Variants in SARS2 observed in about 807,000 individuals in gnomAD.
SARS2 encodes seryl-tRNA synthetase 2, mitochondrial, also known as serine--tRNA ligase, mitochondrial.
A neutral mutation model predicts 66.8 loss-of-function variants in SARS2; 52 were observed. That is an observed-to-expected ratio of 0.78 (90% CI 0.62 to 0.98). The LOEUF (loss-of-function observed/expected upper bound fraction) is 0.98, where lower values mean the gene tolerates loss of function less well. Among genes scored for constraint, SARS2 ranks in the 50% least tolerant of loss-of-function variants. The probability of loss-of-function intolerance (pLI) is 0.00; values close to 1 mark genes in which losing one functional copy is unlikely to be tolerated. For synonymous variants in SARS2, 306 were observed against 281.4 expected, an observed-to-expected ratio of 1.09 and a Z score of -0.87; for missense variants, 673 against 706.3, an observed-to-expected ratio of 0.95 and a Z score of 0.53.
intron 8 of SARS2, 114 bp from the exon 9 acceptor site, chr19:38,918,644 C>G: frequency 7.2e-7 from 1 of 1,391,712 alleles, no homozygotes; most frequent in Non-Finnish European, 1.0e-6. Context: ...CCTGGCCTCC[C>G]TGGTATGGCC....
intron 15 of SARS2, 40 bp downstream of exon 15, chr19:38,915,801 C>T (rs774270448): frequency 1.2e-6 from 2 of 1,612,864 alleles, no homozygotes; most frequent in East Asian, 2.2e-5. Flanking sequence ...CCCTCCCCGG[C>T]GCTGAGCTGC....
Position 38,920,128 on chromosome 19 carries a change from C to G in SARS2, c.611G>C (p.Gly204Ala). The change falls in exon 6 of 16, where the codon GGC becomes GCC. Residue 204 changes from glycine to alanine, a missense_variant. Transcript: ENST00000221431. ...DKPVFSFQPR[G>A]HLEIGEKLDI... is the part of the protein sequence containing the mutation. ...GAGTTTCTCGCCAATTTCCAGGTGG[C>G]CCCGAGGTTGGAAGGAGAAAACTGG... The G allele has an allele frequency of 6.4e-7, 1 of 1,561,420 alleles. No homozygotes were observed. The highest frequency in any genetic ancestry group is 8.7e-7 in the Non-Finnish European group (1 of 1,152,144).
In SARS2 at chr19:38,925,842, A is replaced by C. The variant is rs1207356431; in HGVS notation, c.363+363T>G. On this transcript the variant is annotated intron_variant, in intron 2 of 15. Coordinates refer to ENST00000221431, the MANE Select transcript of SARS2 (RefSeq NM_017827.4). Reference sequence around the variant, plus strand: ...CGCTTGCTTATTTATTTATTTAGGGAGTCTCGCTCTGTCGCCCAGGCTGGA... The same window carrying C: ...CGCTTGCTTATTTATTTATTTAGGGCGTCTCGCTCTGTCGCCCAGGCTGGA... Among the ~76,000 whole-genome samples, 4 of 152,180 alleles carry C rather than the reference A, an allele frequency of 2.6e-5. No individual in the cohort carries two copies. In the East Asian group the frequency reaches 7.7e-4, roughly 29 times the overall value.
chr19:38,916,015 C>T, intron 14 of SARS2, 22 bp downstream of exon 14: 1 of 1,612,788 alleles, frequency 6.2e-7, no homozygotes, highest in Non-Finnish European at 8.5e-7. Context: ...GGCACGCGGG[C>T]AGGAGGCTGT....
At chr19:38,929,977 T>C (rs1033526506) in intron 1 of SARS2, 1 of 156,788 alleles carries the variant, frequency 6.4e-6, no homozygotes, top group African/African-American at 2.4e-5. Flanking sequence ...AATAGAACCA[T>C]TCATTAATGG....
chr19:38,918,218 CTGGTGGA>C (rs2039698920), intron 9 of SARS2, 79 bp from the exon 10 acceptor site: 5 of 1,457,060 alleles, frequency 3.4e-6, no homozygotes, highest in Admixed American at 2.0e-5. Flanking sequence ...GGCACTCCCT[CTGGTGGA>C]TGCAACCCCA....
At chr19:38,924,840 CT>C (rs2144777566) in intron 2 of SARS2, among the ~76,000 whole-genome samples, 1 of 152,312 alleles carries the variant, frequency 6.6e-6, no homozygotes, top group East Asian at 1.9e-4. Context: ...TAGGGCCTCA[CT>C]TTTTCCCAGC....
intron 1 of SARS2, among the ~76,000 whole-genome samples, chr19:38,929,649 C>A (rs1312358115): frequency 6.6e-6 from 1 of 151,790 alleles, no homozygotes; most frequent in Non-Finnish European, 1.5e-5. Flanking sequence ...CATGACCTAG[C>A]GCAAGTGAAT....
intron 5 of SARS2, among the ~76,000 whole-genome samples, chr19:38,921,070 T>TACAAACAC (rs200809697): frequency 1.5e-5 from 1 of 68,770 alleles, no homozygotes; most frequent in Non-Finnish European, 2.8e-5. Flanking sequence ...CACATACAGA[T>TACAAACAC]ACAGACACAC....
chr19:38,922,062 C>T, intron 3 of SARS2, 176 bp downstream of exon 3: 1 of 1,567,716 alleles, frequency 6.4e-7, no homozygotes, highest in South Asian at 1.2e-5. Context: ...GGAGCCAGCA[C>T]CTGGATCCAG....
intron 2 of SARS2, among the ~76,000 whole-genome samples, chr19:38,923,752 G>A (rs528944581): frequency 7.3e-5 from 11 of 151,630 alleles, no homozygotes; most frequent in East Asian, 2.0e-4. Context: ...AGGCTGAGGC[G>A]GGCGGATCAC....
intron 12 of SARS2, 150 bp from the exon 13 acceptor site, chr19:38,916,464 C>G (rs1974420299): frequency 3.0e-6 from 2 of 661,046 alleles, no homozygotes; most frequent in Non-Finnish European, 5.3e-6. Context: ...GAGACCTCAT[C>G]TACTCCAAAA....
intron 5 of SARS2, among the ~76,000 whole-genome samples, chr19:38,920,926 GACACACACATAGAC>G (rs1974513395): frequency 1.5e-5 from 2 of 132,978 alleles, no homozygotes; most frequent in Non-Finnish European, 3.2e-5. Context: ...CACAGAGATA[GACACACACATAGAC>G]ACACACACAC....
At chr19:38,921,194 G>GA (rs1361795759) in intron 5 of SARS2, among the ~76,000 whole-genome samples, 198 bp downstream of exon 5, 1 of 152,192 alleles carries the variant, frequency 6.6e-6, no homozygotes, top group Non-Finnish European at 1.5e-5. Flanking sequence ...GGTGAAGGGG[G>GA]AGAGAATGAA....
chr19:38,924,767 A>G (rs940218181), intron 2 of SARS2, among the ~76,000 whole-genome samples: 1 of 152,056 alleles, frequency 6.6e-6, no homozygotes, highest in African/African-American at 2.4e-5. Context: ...CCTCAGCCCC[A>G]GAGTAGCTGG....
chr19:38,923,053 G>A (rs1205264288), intron 2 of SARS2, among the ~76,000 whole-genome samples: 2 of 132,624 alleles, frequency 1.5e-5, no homozygotes, highest in East Asian at 2.4e-4. Context: ...ACAGGTGCCC[G>A]CCACCACGAT....
In SARS2 at chr19:38,921,399, G is replaced by C; in HGVS notation, c.582C>G (p.Asp194Glu). The change falls in exon 5 of 16, where the codon GAC (aspartate) becomes GAG (glutamate). Residue 194 changes from aspartate to glutamate, a missense_variant. Asp to Glu is a conservative substitution (Grantham distance 45). Coordinates refer to ENST00000221431, the MANE Select transcript of SARS2 (RefSeq NM_017827.4). ...GCCTGGGGTGTGGCCCACCTGGCTT[G>C]TCTCCGACCATGTGGAGCACTCGAG... ...SQARVLHMVGDKPVFSFQPRG... is the reference protein window; with the variant it reads ...SQARVLHMVGEKPVFSFQPRG... The C allele has an allele frequency of 6.2e-7, 1 of 1,613,428 alleles. No individual in the cohort carries two copies. Among genetic ancestry groups the C allele is most frequent in the Non-Finnish European group, 8.5e-7 (1 of 1,179,890 alleles).
In SARS2 at chr19:38,923,468, C is replaced by T. The variant is rs1472692880; in HGVS notation, c.364-1201G>A. Among the ~76,000 whole-genome samples, 228 of 122,374 alleles carry T rather than the reference C, an allele frequency of 1.9e-3. No individual in the cohort carries two copies. The Middle Eastern group carries it at 0.031, about 17-fold the overall frequency. 80.3% of individuals were successfully genotyped at this position (122,374 alleles called of 152,430 possible). ...CGATCTCCTGACCTCGTGATCCGCC[C>T]ACCTCGGCCTCCCAAAGTGCTGGGA... On this transcript the variant is annotated intron_variant, in intron 2 of 15. Coordinates refer to ENST00000221431, the MANE Select transcript of SARS2 (RefSeq NM_017827.4).
At chr19:38,916,638 AC>A (rs1974423477) in intron 12 of SARS2, among the ~76,000 whole-genome samples, 1 of 149,444 alleles carries the variant, frequency 6.7e-6, no homozygotes, top group Admixed American at 6.7e-5. Context: ...GGCCATTCAC[AC>A]ATTTGCACCT....
Sources: gnomAD v4.1 joint callset for allele counts (sites outside exome capture counted in the v4.1 genomes callset) on GRCh38, gnomAD v4.1.1 for gene constraint, MANE v1.5 for transcripts, NCBI Gene and HGNC (gene_info 2026-07-23, HGNC 2026-07-21) for gene names.